Variants in SMAD2 observed in about 807,000 individuals in gnomAD.
The protein encoded by SMAD2 is MAD homolog 2.
SMAD2 carries 8 observed loss-of-function variants against 64.4 expected under a neutral mutation model. The observed-to-expected ratio is 0.12, with a 90% CI of 0.07 to 0.22. The LOEUF is 0.22. SMAD2 is among the 10% of genes least tolerant of loss of function. The probability of loss-of-function intolerance (pLI) is 1.00; values close to 1 mark genes in which losing one functional copy is unlikely to be tolerated. For synonymous variants in SMAD2, 203 were observed against 195.8 expected (o/e 1.04, Z -0.31); for missense variants, 289 against 561.2 (o/e 0.51, Z 4.90).
chr18:47,857,285 C>T (rs1598779722), intron 6 of SMAD2, among the ~76,000 whole-genome samples: 1 of 152,268 alleles, frequency 6.6e-6, no homozygotes, highest in Non-Finnish European at 1.5e-5. Context: ...TTATAATCAT[C>T]AAATTCAGCT....
chr18:47,910,740 C>A (rs1029776240), intron 1 of SMAD2, among the ~76,000 whole-genome samples: 4 of 152,088 alleles, frequency 2.6e-5, no homozygotes, highest in East Asian at 1.9e-4. Flanking sequence ...TAGTAGGTTT[C>A]TTTTCTCTAG....
At position 47,851,294 on chromosome 18, in the gene SMAD2, G is replaced by T. The variant is rs915038104; in HGVS notation, c.764C>A (p.Ser255Tyr). ...CTTACCCAAGCTATGATTAACAGGGGAAAGAGTAGTAGGAGATAGTTCTGC... is the reference window on the plus strand; with the variant it reads ...CTTACCCAAGCTATGATTAACAGGGTAAAGAGTAGTAGGAGATAGTTCTGC... The part of the protein sequence containing the change: ...SPAELSPTTL[S>Y]PVNHSLDLQP... The change falls in exon 7 of 11, where the codon TCC (serine) becomes TAC (tyrosine). Residue 255 changes from serine to tyrosine, a missense_variant. Ser to Tyr is a moderately radical substitution (Grantham distance 144). Around this residue, in one of 6 missense-constraint regions of SMAD2, gnomAD observed 119 missense variants for 156.7 expected, o/e 0.76. Transcript: ENST00000262160. 6.2e-7 allele frequency: 1 copy of T among 1,609,756 alleles called. No homozygotes were observed. Among genetic ancestry groups the T allele is most frequent in the Non-Finnish European group, 8.5e-7 (1 of 1,176,554 alleles).
chr18:47,860,049 T>C (rs1415049960), intron 6 of SMAD2, among the ~76,000 whole-genome samples: 32 of 152,084 alleles, frequency 2.1e-4, no homozygotes, highest in Admixed American at 2.0e-3. Flanking sequence ...GTGGGGAAGA[T>C]TGCCTGAGCC....
rs555982971 is a variant in SMAD2 at position 47,811,832 on chromosome 18, T to C, written c.*29995A>G. 4 of 152,340 alleles carry C rather than the reference T, an allele frequency of 2.6e-5. No individual in the cohort carries two copies. Among genetic ancestry groups the C allele is most frequent in the African/African-American group, 7.2e-5 (3 of 41,582 alleles). 9.4% of individuals were successfully genotyped at this position (152,340 alleles called of 1,614,324 possible). A position where few individuals can be genotyped will look rare whatever the true frequency, so the allele number is the denominator to read the frequency against. Reference sequence around the variant, plus strand: ...AACCAACCTAGATCTTCTGAGCACCTGTCAGTCGATCAAGAAGCATTTATT... The same window carrying C: ...AACCAACCTAGATCTTCTGAGCACCCGTCAGTCGATCAAGAAGCATTTATT... On this transcript the variant is annotated 3_prime_UTR_variant, in exon 11 of 11. Coordinates refer to ENST00000262160, the MANE Select transcript of SMAD2 (RefSeq NM_005901.6).
Position 47,818,396 on chromosome 18 carries a change from G to A in SMAD2, c.*23431C>T, listed in dbSNP as rs1396444427. The A allele has an allele frequency of 1.3e-5, 2 of 152,124 alleles. No homozygotes were observed. The highest frequency in any genetic ancestry group is 4.8e-5 in the African/African-American group (2 of 41,404). The allele number at this position is 152,124 out of a possible 1,614,324, so 9.4% of individuals were successfully genotyped here. Reference sequence around the variant, plus strand: ...GGAACAGTTAATTAAAGGATTAATAGCCTAAAAGAACTAGATAAATACGTA... The same window carrying A: ...GGAACAGTTAATTAAAGGATTAATAACCTAAAAGAACTAGATAAATACGTA... On this transcript the variant is annotated 3_prime_UTR_variant, in exon 11 of 11. Transcript: ENST00000262160.
In SMAD2 at chr18:47,848,747, A is replaced by G. The variant is rs552816637; in HGVS notation, c.785-60T>C. The G allele has an allele frequency of 3.4e-6, 4 of 1,185,762 alleles. No homozygotes were observed. In the Admixed American group the frequency reaches 5.8e-5, roughly 17 times the overall value. The allele number at this position is 1,185,762 out of a possible 1,614,324, so 73.5% of individuals were successfully genotyped here. On this transcript the variant is annotated intron_variant, in intron 7 of 10. Transcript: ENST00000262160. ...AAGAAATGCGTGAACAATTCAAGCC[A>G]AAAATAGATTTAATATAATCATCTT...
rs112269184 is a variant in SMAD2, at chr18:47,811,196, G to C, written c.*30631C>G. 0.018 allele frequency: 2,692 copies of C among 152,448 alleles called. 72 individuals carry two copies. The highest frequency in any genetic ancestry group is 0.061 in the African/African-American group (2,517 of 41,542). 9.4% of individuals were successfully genotyped at this position (152,448 alleles called of 1,614,324 possible). On this transcript the variant is annotated 3_prime_UTR_variant, in exon 11 of 11. Transcript: ENST00000262160. ...CTCTGATTTGAAAGAAGCTGGCTGG[G>C]CACGGTGGCTCACGCCTGTAATCCC... is the stretch of plus-strand genomic sequence containing the variant.
chr18:47,873,007 G>GT (rs1491472939), intron 2 of SMAD2, among the ~76,000 whole-genome samples: 9 of 142,956 alleles, frequency 6.3e-5, no homozygotes, highest in Non-Finnish European at 1.3e-4. Context: ...GACTATAGGC[G>GT]TGTGTCACCA....
intron 1 of SMAD2, among the ~76,000 whole-genome samples, chr18:47,918,147 G>A (rs746836081): frequency 6.6e-5 from 10 of 152,262 alleles, no homozygotes; most frequent in African/African-American, 1.7e-4. Flanking sequence ...TTAGATTTCC[G>A]CCCCTACTGT....
chr18:47,918,260 G>A (rs2034414520), intron 1 of SMAD2, among the ~76,000 whole-genome samples: 1 of 152,106 alleles, frequency 6.6e-6, no homozygotes, highest in Non-Finnish European at 1.5e-5. Context: ...AAGAAAAGAG[G>A]GTGTGAATGA....
intron 2 of SMAD2, among the ~76,000 whole-genome samples, chr18:47,890,743 C>T (rs1044809278): frequency 6.6e-6 from 1 of 152,184 alleles, no homozygotes; most frequent in African/African-American, 2.4e-5. Flanking sequence ...GTGTTTCATA[C>T]ATATTACGAT....
chr18:47,841,995 C>A, intron 10 of SMAD2, 45 bp from the exon 11 acceptor site: 1 of 1,610,598 alleles, frequency 6.2e-7, no homozygotes, highest in East Asian at 2.2e-5. Flanking sequence ...TTCAAGTCCA[C>A]AGGCAGGGAA....
intron 8 of SMAD2, 21 bp from the exon 9 acceptor site, chr18:47,845,821 G>C (rs760882392): frequency 1.2e-6 from 2 of 1,609,738 alleles, no homozygotes; most frequent in African/African-American, 1.3e-5. Flanking sequence ...ATACAAATGA[G>C]ATTAGTTTTG....
chr18:47,848,730 C>T (rs532597059), intron 7 of SMAD2, 43 bp from the exon 8 acceptor site: 54 of 1,369,300 alleles, frequency 3.9e-5, no homozygotes, highest in South Asian at 1.8e-4. Context: ...GGAAGAAATG[C>T]GTGAACAATT....
Position 47,809,987 on chromosome 18 carries a change from G to A in SMAD2, c.*31840C>T, listed in dbSNP as rs182373033. 4 of 152,256 alleles carry A rather than the reference G, an allele frequency of 2.6e-5. No homozygotes were observed. The highest frequency in any genetic ancestry group is 4.4e-5 in the Non-Finnish European group (3 of 68,022). 9.4% of individuals were successfully genotyped at this position (152,256 alleles called of 1,614,324 possible). A position where few individuals can be genotyped will look rare whatever the true frequency, so the allele number is the denominator to read the frequency against. On this transcript the variant is annotated 3_prime_UTR_variant, in exon 11 of 11. Coordinates refer to ENST00000262160, the MANE Select transcript of SMAD2 (RefSeq NM_005901.6). ...CATTTGCCAAAAGCCATCCCAAAGA[G>A]GGCTGATATCGTCTGTTAAATGCTG...
chr18:47,926,429 T>C (rs2034765588), intron 1 of SMAD2, among the ~76,000 whole-genome samples: 1 of 152,196 alleles, frequency 6.6e-6, no homozygotes, highest in Admixed American at 6.5e-5. Flanking sequence ...TTTTGTGTCT[T>C]GTAGATTATC....
At chr18:47,852,852 A>C (rs2030257234) in intron 6 of SMAD2, among the ~76,000 whole-genome samples, 1 of 152,204 alleles carries the variant, frequency 6.6e-6, no homozygotes, top group Middle Eastern at 3.2e-3. Flanking sequence ...TCATGGCGCA[A>C]CTAGTCTGCT....
In SMAD2 at chr18:47,925,892, G is replaced by C. The variant is rs139052598; in HGVS notation, c.-54+4469C>G. Among the ~76,000 whole-genome samples the C allele has an allele frequency of 8.5e-4, 129 of 152,324 alleles. 5 individuals carry two copies. The East Asian group carries it at 0.019, about 22-fold the overall frequency. ...GCAGAAGTCACATGACAAGAGTCAA[G>C]AAACCCTCAACAGAGAGACTGGCCA... On this transcript the variant is annotated intron_variant, in intron 1 of 10. Transcript: ENST00000262160.
Position 47,905,676 on chromosome 18 carries a change from C to A in SMAD2, c.-53-8867G>T, listed in dbSNP as rs190121142. On this transcript the variant is annotated intron_variant, in intron 1 of 10. Coordinates refer to ENST00000262160, the MANE Select transcript of SMAD2 (RefSeq NM_005901.6). Reference sequence around the variant, plus strand: ...GGCCCAAGGTCAATCTAGTTTTCAACAACTTTTCAACAACATGGAAAATAA... The same window carrying A: ...GGCCCAAGGTCAATCTAGTTTTCAAAAACTTTTCAACAACATGGAAAATAA... Among the ~76,000 whole-genome samples, 166 of 152,296 alleles carry A rather than the reference C, an allele frequency of 1.1e-3. 1 individual carries two copies. Among genetic ancestry groups the A allele is most frequent in the African/African-American group, 3.9e-3 (161 of 41,568 alleles).
Sources: allele counts gnomAD v4.1 joint callset (sites outside exome capture counted in the v4.1 genomes callset), GRCh38; gene constraint gnomAD v4.1.1; regional missense constraint gnomAD v4.1.1; transcripts MANE v1.5; gene names NCBI Gene and HGNC (gene_info 2026-07-23, HGNC 2026-07-21).